Variants in FOXP2 observed in about 807,000 individuals in gnomAD.
FOXP2 encodes forkhead box P2, also known as forkhead box protein P2.
Under a neutral mutation model 115.8 loss-of-function variants are expected in FOXP2, and 12 were observed. That is an observed-to-expected ratio of 0.10 (90% confidence interval 0.07 to 0.17). FOXP2 has a LOEUF of 0.17. FOXP2 is among the 10% of genes least tolerant of loss of function. The probability of loss-of-function intolerance (pLI) is 1.00; values close to 1 mark genes in which losing one functional copy is unlikely to be tolerated. For synonymous variants in FOXP2, 328 were observed against 297.7 expected (o/e 1.10, Z -1.05); for missense variants, 629 against 843.5 (o/e 0.75, Z 3.15).
At chr7:114,403,009 A>G (rs1184544313) in intron 2 of FOXP2, among the ~76,000 whole-genome samples, 1 of 152,132 alleles carries the variant, frequency 6.6e-6, no homozygotes, top group Non-Finnish European at 1.5e-5. Context: ...ATCTATGTTC[A>G]TAGACTGTCT....
chr7:114,684,212 C>T (rs774398795), intron 16 of FOXP2, among the ~76,000 whole-genome samples: 1 of 152,110 alleles, frequency 6.6e-6, no homozygotes, highest in Non-Finnish European at 1.5e-5. Flanking sequence ...TGAGATTTTT[C>T]CACGAGGTTC....
At chr7:114,549,378 A>G (rs1800090916) in intron 3 of FOXP2, among the ~76,000 whole-genome samples, 1 of 152,190 alleles carries the variant, frequency 6.6e-6, no homozygotes, top group South Asian at 2.1e-4. Flanking sequence ...TTTGAAATAA[A>G]TGAATCATAT....
At chr7:114,250,765 G>A (rs1795420388) in intron 1 of FOXP2, among the ~76,000 whole-genome samples, 1 of 152,130 alleles carries the variant, frequency 6.6e-6, no homozygotes, top group Non-Finnish European at 1.5e-5. Context: ...CACTCTGATA[G>A]TAGTTTCTTT....
chr7:114,369,835 T>C (rs1244890488), intron 2 of FOXP2, among the ~76,000 whole-genome samples: 1 of 152,134 alleles, frequency 6.6e-6, no homozygotes, highest in Non-Finnish European at 1.5e-5. Flanking sequence ...CTATATATAA[T>C]TTGTCATTAA....
intron 2 of FOXP2, among the ~76,000 whole-genome samples, chr7:114,290,218 T>C (rs557116249): frequency 1.2e-4 from 19 of 152,110 alleles, no homozygotes; most frequent in African/African-American, 4.6e-4. Context: ...AACAATTTTT[T>C]TTTTAGTTTT....
intron 2 of FOXP2, among the ~76,000 whole-genome samples, chr7:114,478,155 TA>T (rs1796369879): frequency 6.6e-6 from 1 of 151,850 alleles, no homozygotes; most frequent in Admixed American, 6.6e-5. Flanking sequence ...AAGTTGGAGA[TA>T]TTTTTATAGT....
chr7:114,476,088 G>GT (rs34615484), intron 2 of FOXP2, among the ~76,000 whole-genome samples: 14,459 of 136,426 alleles, frequency 0.11, 712 homozygotes, highest in Middle Eastern at 0.18. Context: ...GGATACTTGG[G>GT]TTTTTTTTTT....
intron 1 of FOXP2, among the ~76,000 whole-genome samples, chr7:114,200,979 A>T (rs1422393009): frequency 6.6e-6 from 1 of 152,044 alleles, no homozygotes; most frequent in Admixed American, 6.6e-5. Flanking sequence ...ACATGGTGAA[A>T]CCCTGTTTCT....
intron 1 of FOXP2, among the ~76,000 whole-genome samples, chr7:114,142,244 G>A (rs1416096317): frequency 3.3e-5 from 5 of 152,002 alleles, no homozygotes; most frequent in African/African-American, 4.8e-5. Context: ...GGCTAATCTC[G>A]AACTCCTGAC....
intron 3 of FOXP2, among the ~76,000 whole-genome samples, chr7:114,586,111 T>C (rs955387724): frequency 6.6e-6 from 1 of 152,154 alleles, no homozygotes; most frequent in Non-Finnish European, 1.5e-5. Context: ...ATAAGATTTT[T>C]GGAGTTTTGC....
At chr7:114,652,175 TTC>T (rs1359199653) in intron 8 of FOXP2, 26 bp from the exon 9 acceptor site, 3 of 1,607,790 alleles carry the variant, frequency 1.9e-6, no homozygotes, top group South Asian at 2.2e-5. Flanking sequence ...TCACTTTACA[TTC>T]TGTTTTGTGT....
chr7:114,161,654 G>GTATATATATATATATATATA (rs549643391), upstream of FOXP2, among the ~76,000 whole-genome samples: 58 of 151,552 alleles, frequency 3.8e-4, no homozygotes, highest in African/African-American at 1.3e-3. Flanking sequence ...GTGTGTGCGT[G>GTATATATATATATATATATA]TATATATATA....
intron 2 of FOXP2, among the ~76,000 whole-genome samples, chr7:114,312,144 A>G (rs1293988016): frequency 6.6e-6 from 1 of 152,076 alleles, no homozygotes; most frequent in African/African-American, 2.4e-5. Context: ...CCAAATCTCC[A>G]TATTGAATAG....
At chr7:114,130,368 C>T (rs1215319375) in intron 1 of FOXP2, among the ~76,000 whole-genome samples, 1 of 152,142 alleles carries the variant, frequency 6.6e-6, no homozygotes, top group Non-Finnish European at 1.5e-5. Flanking sequence ...AAAAAATTGA[C>T]ACAATTATGT....
At chr7:114,675,815 A>G (rs1462915874) in intron 16 of FOXP2, among the ~76,000 whole-genome samples, 1 of 152,212 alleles carries the variant, frequency 6.6e-6, no homozygotes, top group East Asian at 1.9e-4. Flanking sequence ...ATATTTTTAA[A>G]TGTCATTAAT....
chr7:114,500,743 G>A (rs1797532962), intron 2 of FOXP2, among the ~76,000 whole-genome samples: 1 of 152,102 alleles, frequency 6.6e-6, no homozygotes, highest in African/African-American at 2.4e-5. Flanking sequence ...TTGTAGTAGA[G>A]GTTTTGCTAC....
At chr7:114,610,343 C>A (rs577796732) in intron 3 of FOXP2, among the ~76,000 whole-genome samples, 1 of 152,222 alleles carries the variant, frequency 6.6e-6, no homozygotes, top group Non-Finnish European at 1.5e-5. Context: ...TGGTATTTTT[C>A]ATATTAACTT....
At chr7:114,642,913 A>T (rs1277156708) in intron 7 of FOXP2, among the ~76,000 whole-genome samples, 1 of 146,628 alleles carries the variant, frequency 6.8e-6, no homozygotes, top group Non-Finnish European at 1.5e-5. Context: ...GGTTCCTGCC[A>T]TTCTCCTGCC....
chr7:114,618,097 G>A (rs1804046866), intron 3 of FOXP2, among the ~76,000 whole-genome samples: 1 of 152,094 alleles, frequency 6.6e-6, no homozygotes, highest in Non-Finnish European at 1.5e-5. Context: ...TTCTTCCTGT[G>A]CATTCTCTAT....
Sources: gnomAD v4.1 joint callset for allele counts (sites outside exome capture counted in the v4.1 genomes callset) on GRCh38, gnomAD v4.1.1 for gene constraint, MANE v1.5 for transcripts, NCBI Gene and HGNC (gene_info 2026-07-23, HGNC 2026-07-21) for gene names.